The following GRK2 variants were observed in gnomAD, a reference collection of about 807,000 sequenced individuals.
GRK2 encodes the protein G protein-coupled receptor kinase 2, also known as adrenergic beta receptor kinase 1.
GRK2 carries 23 observed loss-of-function variants against 97.8 expected under a neutral mutation model. That is an observed-to-expected ratio of 0.24 (90% CI 0.17 to 0.33). The LOEUF (loss-of-function observed/expected upper bound fraction) is 0.33. Ranked by LOEUF, GRK2 falls within the 10% of genes least tolerant of loss-of-function variation. GRK2 has a pLI of 1.00. For synonymous variants in GRK2, 425 were observed against 381.7 expected (o/e 1.11, Z -1.32); for missense variants, 633 against 956.9 (o/e 0.66, Z 4.47).
Position 67,285,588 on chromosome 11 carries a change from A to G in GRK2, c.*138A>G. ...CCCAGCCTGGCCCAGCTCCCCCGGGAGGGGCCCGCTTGCCTCGGCTCCTGC... is the reference window on the plus strand; with the variant it reads ...CCCAGCCTGGCCCAGCTCCCCCGGGGGGGGCCCGCTTGCCTCGGCTCCTGC... On this transcript the variant is annotated 3_prime_UTR_variant, in exon 21 of 21. Coordinates refer to ENST00000308595, the MANE Select transcript of GRK2 (RefSeq NM_001619.5). The G allele has an allele frequency of 2.5e-6, 3 of 1,177,988 alleles. No individual in the cohort carries two copies. The South Asian group carries it at 5.1e-5, about 20-fold the overall frequency. The allele number at this position is 1,177,988 out of a possible 1,614,324, so 73.0% of individuals were successfully genotyped here.
At chr11:67,278,362 G>A (rs755617210) in intron 2 of GRK2, among the ~76,000 whole-genome samples, 14 of 152,122 alleles carry the variant, frequency 9.2e-5, no homozygotes, top group Admixed American at 7.2e-4. Flanking sequence ...CTCGGGGGCC[G>A]GGGTCCAGGG....
chr11:67,275,353 C>T (rs955159832), intron 1 of GRK2, among the ~76,000 whole-genome samples: 2 of 152,346 alleles, frequency 1.3e-5, no homozygotes, highest in East Asian at 1.9e-4. Context: ...TCTCCGCAGA[C>T]GGCTCTTCTG....
intron 2 of GRK2, 72 bp downstream of exon 2, chr11:67,277,420 C>G (rs1860054868): frequency 1.5e-6 from 2 of 1,360,698 alleles, no homozygotes; most frequent in Admixed American, 3.5e-5. Context: ...CCCAGCTGTG[C>G]TCCCCACTCT....
At chr11:67,267,524 C>T (rs896435703) in intron 1 of GRK2, among the ~76,000 whole-genome samples, 8 of 152,230 alleles carry the variant, frequency 5.3e-5, no homozygotes. Context: ...TGTGCCCTCT[C>T]CCCTACATTT....
In GRK2 at chr11:67,279,687, C is replaced by T. The variant is rs1590851720; in HGVS notation, c.428C>T (p.Pro143Leu). ...QGHLGKKQVP[P>L]DLFQPYIEEI... ...CACCTGGGGAAGAAGCAGGTGCCTC[C>T]GGATCTCTTCCAGGTGTGTGCCTCC... Residue 143 changes from proline to leucine, a missense_variant, in exon 5 of 21, where the codon CCG (proline) becomes CTG (leucine). Around this residue, in one of 4 missense-constraint regions of GRK2, gnomAD observed 193 missense variants for 212.2 expected, o/e 0.91. Coordinates refer to ENST00000308595, the MANE Select transcript of GRK2 (RefSeq NM_001619.5). 6 of 1,613,618 alleles carry T rather than the reference C, an allele frequency of 3.7e-6. No individual in the cohort carries two copies. The highest frequency in any genetic ancestry group is 4.2e-6 in the Non-Finnish European group (5 of 1,179,988).
At position 67,276,085 on chromosome 11, in the gene GRK2, A is replaced by G. The variant is rs1860022355; in HGVS notation, c.114-1187A>G. On this transcript the variant is annotated intron_variant, in intron 1 of 20. Coordinates refer to ENST00000308595, the MANE Select transcript of GRK2 (RefSeq NM_001619.5). This position sits in a 1 kb window ranked among gnomAD's most constrained non-coding sequence, Gnocchi z 4.2. ...GCCATGGCAAGCACAGAGAACCTGGACTTGCGGATCCAAATCTCCACCAGC... is the reference window on the plus strand; with the variant it reads ...GCCATGGCAAGCACAGAGAACCTGGGCTTGCGGATCCAAATCTCCACCAGC... Among the ~76,000 whole-genome samples the G allele has an allele frequency of 1.3e-5, 2 of 152,172 alleles. No individual in the cohort carries two copies. Among genetic ancestry groups the G allele is most frequent in the Non-Finnish European group, 2.9e-5 (2 of 68,016 alleles).
chr11:67,274,524 C>CTTTTTTTTTTTTTTTTTTTTTT (rs1590848179), intron 1 of GRK2, among the ~76,000 whole-genome samples: 1,130 of 54,802 alleles, frequency 0.021, 3 homozygotes, highest in Non-Finnish European at 0.027. Flanking sequence ...TTTTTTTTTG[C>CTTTTTTTTTTTTTTTTTTTTTT]TTTTTTTCAT....
At position 67,281,731 on chromosome 11, in the gene GRK2, G is replaced by T; in HGVS notation, c.826+3G>T. ...CTTCATCCTGGACCTCATGAACGGT[G>T]AGTGCTGGCCGGGCCCTAGGGTGGG... On this transcript the variant is annotated splice_donor_region_variant and intron_variant, in intron 10 of 20. Transcript: ENST00000308595. The surrounding 1 kb of genome is among the most constrained non-coding windows in gnomAD (Gnocchi z 5.7). 6.2e-7 allele frequency: 1 copy of T among 1,613,528 alleles called. No homozygotes were observed. The highest frequency in any genetic ancestry group is 8.5e-7 in the Non-Finnish European group (1 of 1,179,960).
chr11:67,283,664 C>T (rs538341088), intron 15 of GRK2, 43 bp from the exon 16 acceptor site: 2 of 1,604,024 alleles, frequency 1.2e-6, no homozygotes, highest in Non-Finnish European at 8.5e-7. Flanking sequence ...AAGCCCGGGA[C>T]TCAGGGTGGG....
At chr11:67,277,742 T>G (rs1309832953) in intron 2 of GRK2, among the ~76,000 whole-genome samples, 1 of 152,116 alleles carries the variant, frequency 6.6e-6, no homozygotes, top group Non-Finnish European at 1.5e-5. Flanking sequence ...CCCCACCCCA[T>G]GGGCCCTCTT....
chr11:67,285,280 G>T lies in GRK2; in HGVS notation c.1906-6G>T. On this transcript the variant is annotated splice_region_variant and splice_polypyrimidine_tract_variant and intron_variant, in intron 20 of 20. Transcript: ENST00000308595. ...CAGCTGACAGAGCTGGGCTTGGCAT[G>T]TGCAGAGCGACCCTGAGCTGGTGCA... 1 of 1,608,860 alleles carries T rather than the reference G, an allele frequency of 6.2e-7. No individual in the cohort carries two copies. The highest frequency in any genetic ancestry group is 8.5e-7 in the Non-Finnish European group (1 of 1,177,810).
intron 1 of GRK2, among the ~76,000 whole-genome samples, chr11:67,268,998 C>T (rs1859852675): frequency 6.6e-6 from 1 of 152,226 alleles, no homozygotes; most frequent in African/African-American, 2.4e-5. Context: ...GCAGCATGGC[C>T]TTCCGCAAAT....
intron 1 of GRK2, among the ~76,000 whole-genome samples, chr11:67,274,471 C>T (rs777125467): frequency 4.1e-4 from 53 of 128,586 alleles, no homozygotes; most frequent in Non-Finnish European, 6.4e-4. Flanking sequence ...ATCTGCCTGT[C>T]GCTACCTTCC....
Position 67,285,140 on chromosome 11 carries a change from C to T in GRK2, c.1857C>T (p.Cys619=). 6.2e-7 allele frequency: 1 copy of T among 1,613,622 alleles called. No individual in the cohort carries two copies. Among genetic ancestry groups the T allele is most frequent in the South Asian group, 1.1e-5 (1 of 91,082 alleles). The change falls in exon 20 of 21, where the codon TGC becomes TGT. Residue 619 remains cysteine (C), a synonymous_variant. Transcript: ENST00000308595. ...VEETQIKERK[C]LLLKIRGGKQ... is the part of the protein sequence containing the mutation. ...AGACGCAGATCAAGGAGCGCAAGTGCCTGCTCCTCAAGATCCGCGGTGGGA... is the reference window on the plus strand; with the variant it reads ...AGACGCAGATCAAGGAGCGCAAGTGTCTGCTCCTCAAGATCCGCGGTGGGA...
rs762133593 is a variant in GRK2, at chr11:67,284,927, C to T, written c.1735C>T (p.Arg579Trp). The T allele has an allele frequency of 3.7e-6, 6 of 1,613,032 alleles. No homozygotes were observed. The highest frequency in any genetic ancestry group is 2.2e-5 in the South Asian group (2 of 91,082). The change falls in exon 19 of 21, where the codon CGG becomes TGG. Residue 579 changes from arginine to tryptophan, a missense_variant. By Grantham distance (101) the Arg-to-Trp change is moderately radical. Transcript: ENST00000308595. ...CCCCTTCCTGACCCAGTGGCAGCGG[C>T]GGTACTTCTACCTGTTCCCCAACCG... The part of the protein sequence containing the change: ...GNPFLTQWQR[R>W]YFYLFPNRLE...
Position 67,281,607 on chromosome 11 carries a change from C to A in GRK2, c.748-43C>A, listed in dbSNP as rs748990821. The A allele has an allele frequency of 6.2e-7, 1 of 1,608,570 alleles. No individual in the cohort carries two copies. Among genetic ancestry groups the A allele is most frequent in the African/African-American group, 1.3e-5 (1 of 74,854 alleles). On this transcript the variant is annotated intron_variant, in intron 9 of 20. Transcript: ENST00000308595. The surrounding 1 kb of genome is among the most constrained non-coding windows in gnomAD (Gnocchi z 5.7). ...CGCTGAGGCTCTGGAACCCCGGGCG[C>A]CCCTGCTAACTGCCCGCCCCCTCCC...
In GRK2 at chr11:67,285,812, C is replaced by T. The variant is rs1666678535; in HGVS notation, c.*362C>T. ...CTGCTGGGTGGCCCATCCCCCCTCA[C>T]CAGGGGCAGGCACAGCACAGGGATC... On this transcript the variant is annotated 3_prime_UTR_variant, in exon 21 of 21. Coordinates refer to ENST00000308595, the MANE Select transcript of GRK2 (RefSeq NM_001619.5). 1 of 288,240 alleles carries T rather than the reference C, an allele frequency of 3.5e-6. No individual in the cohort carries two copies. The highest frequency in any genetic ancestry group is 2.2e-5 in the African/African-American group (1 of 45,160). 17.9% of individuals were successfully genotyped at this position (288,240 alleles called of 1,614,324 possible).
rs199629194 is a variant in GRK2 at position 67,281,413 on chromosome 11, C to T, written c.648-46C>T. 5 of 1,555,372 alleles carry T rather than the reference C, an allele frequency of 3.2e-6. No individual in the cohort carries two copies. The East Asian group carries it at 1.1e-4, about 35-fold the overall frequency. ...AAGCGCCCCCTGAGGCAGCCCTGGG[C>T]CCCTGCTCTGAGGGTGGGTGTTGAC... On this transcript the variant is annotated intron_variant, in intron 8 of 20. Coordinates refer to ENST00000308595, the MANE Select transcript of GRK2 (RefSeq NM_001619.5). This position sits in a 1 kb window ranked among gnomAD's most constrained non-coding sequence, Gnocchi z 5.7.
intron 1 of GRK2, among the ~76,000 whole-genome samples, chr11:67,271,608 A>G (rs143460275): frequency 9.3e-4 from 141 of 152,356 alleles, no homozygotes; most frequent in African/African-American, 3.1e-3. Context: ...AAGCCGTGAC[A>G]TTTGACAAGG....
Sources: gnomAD v4.1 joint callset for allele counts (sites outside exome capture counted in the v4.1 genomes callset) on GRCh38, gnomAD v4.1.1 for gene constraint, gnomAD v4.1.1 regional missense constraint, Gnocchi (gnomAD v3.1) non-coding constraint, MANE v1.5 for transcripts, NCBI Gene and HGNC (gene_info 2026-07-23, HGNC 2026-07-21) for gene names.